The following TTC3 variants were observed in gnomAD, a reference collection of about 807,000 sequenced individuals.
TTC3 encodes E3 ubiquitin-protein ligase TTC3.
Under a neutral mutation model 249.6 loss-of-function variants are expected in TTC3, and 180 were observed. The observed-to-expected ratio is 0.72, with a 90% CI of 0.64 to 0.82. The LOEUF (loss-of-function observed/expected upper bound fraction) is 0.82, where lower values mean the gene tolerates loss of function less well. TTC3 is among the 40% of genes least tolerant of loss of function. The pLI is 0.00. For synonymous variants in TTC3, 717 were observed against 805.0 expected (o/e 0.89, Z 1.85); for missense variants, 2,061 against 2,398.4 (o/e 0.86, Z 2.94).
intron 39 of TTC3, 34 bp downstream of exon 39, chr21:37,188,629 A>C (rs2148186360): frequency 6.5e-7 from 1 of 1,537,630 alleles, no homozygotes; most frequent in East Asian, 2.2e-5. Context: ...TCAGCACGTC[A>C]TTTAGAAGAT....
chr21:37,108,878 A>G (rs1399709229), intron 11 of TTC3, among the ~76,000 whole-genome samples: 1 of 152,210 alleles, frequency 6.6e-6, no homozygotes, highest in Non-Finnish European at 1.5e-5. Flanking sequence ...TGTGTATGTC[A>G]AAAGGCACCA....
exon 28 of TTC3, chr21:37,156,875 T>C (rs2080142983): frequency 6.2e-7 from 1 of 1,613,916 alleles, no homozygotes; most frequent in Non-Finnish European, 8.5e-7. Flanking sequence ...CAGCATTGCA[T>C]AGTGCTTTAG....
chr21:37,147,640 A>G (rs765365455), intron 22 of TTC3, 37 bp downstream of exon 22: 1 of 1,561,484 alleles, frequency 6.4e-7, no homozygotes, highest in South Asian at 1.2e-5. Context: ...TTAACTTGCA[A>G]AATCATTTCT....
intron 41 of TTC3, among the ~76,000 whole-genome samples, chr21:37,194,222 C>A (rs985355280): frequency 6.6e-6 from 1 of 152,300 alleles, no homozygotes; most frequent in Middle Eastern, 3.4e-3. Flanking sequence ...CTTCGCTTTC[C>A]GTGGTTTCGG....
chr21:37,135,427 C>G, exon 18 of TTC3: 1 of 1,613,970 alleles, frequency 6.2e-7, no homozygotes, highest in Non-Finnish European at 8.5e-7. Context: ...TTCAAGATGG[C>G]TATATGGCCT....
intron 36 of TTC3, among the ~76,000 whole-genome samples, chr21:37,185,476 A>G (rs1481273109): frequency 6.6e-6 from 1 of 152,210 alleles, no homozygotes; most frequent in Non-Finnish European, 1.5e-5. Context: ...ACCTGTAAGC[A>G]TATGACTTAG....
At chr21:37,142,757 T>C (rs561053380) in intron 20 of TTC3, among the ~76,000 whole-genome samples, 62 of 152,278 alleles carry the variant, frequency 4.1e-4, no homozygotes, top group African/African-American at 1.3e-3. Context: ...TTAAAGTTCA[T>C]ATGGAACCAA....
chr21:37,146,604 G>C (rs1328400250), intron 21 of TTC3, among the ~76,000 whole-genome samples: 1 of 152,016 alleles, frequency 6.6e-6, no homozygotes, highest in East Asian at 1.9e-4. Flanking sequence ...CAAACACAAA[G>C]GGCTTGTGTG....
chr21:37,146,071 T>C (rs2078958882), intron 21 of TTC3, among the ~76,000 whole-genome samples: 1 of 152,208 alleles, frequency 6.6e-6, no homozygotes, highest in Non-Finnish European at 1.5e-5. Flanking sequence ...TGTACATGAA[T>C]GTTCATAGCA....
At chr21:37,140,769 C>A in intron 20 of TTC3, 96 bp downstream of exon 20, 1 of 763,370 alleles carries the variant, frequency 1.3e-6, no homozygotes, top group Non-Finnish European at 2.0e-6. Context: ...TTTGATATCT[C>A]CTCTGTAGCA....
intron 1 of TTC3, among the ~76,000 whole-genome samples, chr21:37,076,228 T>C (rs186075606): frequency 1.7e-4 from 26 of 152,362 alleles, no homozygotes; most frequent in African/African-American, 6.0e-4. Flanking sequence ...TTTCACTTGA[T>C]GTTATGTTTC....
chr21:37,144,616 A>G (rs1227147863), exon 21 of TTC3: 4 of 1,611,350 alleles, frequency 2.5e-6, no homozygotes, highest in Admixed American at 3.4e-5. Flanking sequence ...TAATGTGATT[A>G]TTGAAGAGTC....
intron 18 of TTC3, among the ~76,000 whole-genome samples, chr21:37,138,302 AT>A (rs2078141267): frequency 6.6e-6 from 1 of 152,210 alleles, no homozygotes; most frequent in South Asian, 2.1e-4. Context: ...TATGCCTATA[AT>A]AGCTAAGTAA....
intron 39 of TTC3, 146 bp downstream of exon 39, chr21:37,188,741 A>G: frequency 2.1e-6 from 1 of 487,316 alleles, no homozygotes; most frequent in Non-Finnish European, 3.6e-6. Flanking sequence ...AAGTTAAGAC[A>G]TACAAACAAA....
chr21:37,168,001 T>C (rs974885712), intron 34 of TTC3, among the ~76,000 whole-genome samples: 10 of 152,082 alleles, frequency 6.6e-5, no homozygotes, highest in African/African-American at 2.4e-4. Context: ...TTCATGCGAA[T>C]AATACAGAAA....
At chr21:37,198,071 C>G (rs1203931975) in intron 44 of TTC3, 46 bp downstream of exon 44, 8 of 1,522,066 alleles carry the variant, frequency 5.3e-6, no homozygotes, top group Non-Finnish European at 7.1e-6. Context: ...AAACAAGAAG[C>G]AAACAAAATT....
intron 29 of TTC3, 111 bp downstream of exon 29, chr21:37,159,856 A>G: frequency 9.9e-7 from 1 of 1,008,298 alleles, no homozygotes; most frequent in Non-Finnish European, 1.5e-6. Flanking sequence ...TTCAAGAACC[A>G]CATTAAAAGG....
intron 20 of TTC3, 22 bp downstream of exon 20, chr21:37,140,695 T>C (rs1486883104): frequency 1.3e-6 from 2 of 1,521,218 alleles, no homozygotes; most frequent in African/African-American, 1.4e-5. Flanking sequence ...TGACACTACT[T>C]TAAGCTCTAG....
chr21:37,198,001 A>G (rs776697561), exon 44 of TTC3: 16 of 1,613,288 alleles, frequency 9.9e-6, no homozygotes, highest in Middle Eastern at 3.3e-4. Flanking sequence ...AGGGGCAGAA[A>G]GCAGAAGATG....
Sources: allele counts gnomAD v4.1 joint callset (sites outside exome capture counted in the v4.1 genomes callset), GRCh38; gene constraint gnomAD v4.1.1; transcripts MANE v1.5; gene names NCBI Gene and HGNC (gene_info 2026-07-23, HGNC 2026-07-21).